The following DDX50 variants were observed in gnomAD, a reference collection of about 807,000 sequenced individuals.
The protein encoded by DDX50 is ATP-dependent RNA helicase DDX50.
DDX50 carries 56 observed loss-of-function variants against 94.8 expected under a neutral mutation model. That is an observed-to-expected ratio of 0.59 (90% confidence interval 0.48 to 0.74). The LOEUF (loss-of-function observed/expected upper bound fraction) is 0.74. DDX50 is among the 30% of genes least tolerant of loss of function. The probability of loss-of-function intolerance (pLI) is 0.00; values close to 1 mark genes in which losing one functional copy is unlikely to be tolerated. For synonymous variants in DDX50, 264 were observed against 295.4 expected, an observed-to-expected ratio of 0.89 and a Z score of 1.09; for missense variants, 713 against 881.2, an observed-to-expected ratio of 0.81 and a Z score of 2.42.
At chr10:68,909,826 C>A (rs1841572803) in intron 2 of DDX50, among the ~76,000 whole-genome samples, 2 of 152,134 alleles carry the variant, frequency 1.3e-5, no homozygotes, top group Non-Finnish European at 2.9e-5. Context: ...CCATGCCTGG[C>A]TAATTTTGTA....
chr10:68,927,154 C>T (rs1372312140), intron 8 of DDX50, among the ~76,000 whole-genome samples: 2 of 152,096 alleles, frequency 1.3e-5, no homozygotes, highest in African/African-American at 2.4e-5. Flanking sequence ...TCAAGCAGTC[C>T]TCCCACCTCG....
At chr10:68,912,426 C>T (rs538156264) in intron 4 of DDX50, among the ~76,000 whole-genome samples, 1 of 152,044 alleles carries the variant, frequency 6.6e-6, no homozygotes, top group Admixed American at 6.6e-5. Context: ...GTAGTCCAGG[C>T]TGGTTTTGAA....
At chr10:68,925,094 GGTTTT>G (rs1302608393) in intron 8 of DDX50, among the ~76,000 whole-genome samples, 5,845 of 89,016 alleles carry the variant, frequency 0.066, 273 homozygotes, top group Middle Eastern at 0.12. Context: ...CCCTGCTCAT[GGTTTT>G]TTTTTTTTTT....
chr10:68,902,445 C>T (rs747796208), intron 1 of DDX50, among the ~76,000 whole-genome samples: 9 of 152,164 alleles, frequency 5.9e-5, no homozygotes, highest in Non-Finnish European at 2.9e-5. Context: ...GCCATTTCAG[C>T]TAACACTTTT....
intron 2 of DDX50, among the ~76,000 whole-genome samples, chr10:68,907,439 T>C (rs1257983388): frequency 1.3e-5 from 2 of 150,812 alleles, no homozygotes; most frequent in East Asian, 3.9e-4. Context: ...AGTCAGCCTC[T>C]CAAGTAGCTG....
At chr10:68,904,395 C>T (rs1300265170) in intron 1 of DDX50, among the ~76,000 whole-genome samples, 2 of 152,024 alleles carry the variant, frequency 1.3e-5, no homozygotes, top group African/African-American at 2.4e-5. Context: ...GGAGCTGGTG[C>T]TTAGATTCTT....
At chr10:68,930,765 C>T (rs1303637079) in intron 8 of DDX50, among the ~76,000 whole-genome samples, 7 of 152,140 alleles carry the variant, frequency 4.6e-5, no homozygotes, top group Admixed American at 2.0e-4. Context: ...GTGATCCTCC[C>T]ACCTCAGCCT....
chr10:68,910,565 G>A (rs1324773501), intron 3 of DDX50, among the ~76,000 whole-genome samples, 183 bp downstream of exon 3: 3 of 152,158 alleles, frequency 2.0e-5, no homozygotes, highest in African/African-American at 7.2e-5. Flanking sequence ...ACCATGCCCG[G>A]CTAAGTTTCA....
intron 12 of DDX50, among the ~76,000 whole-genome samples, chr10:68,938,935 T>A (rs1842490320): frequency 6.6e-6 from 1 of 152,230 alleles, no homozygotes; most frequent in African/African-American, 2.4e-5. Flanking sequence ...TTTGGTAGAA[T>A]ATCTCACTGT....
rs780763678 is a variant in DDX50, at chr10:68,941,038, A to C, written c.1756-22A>C. On this transcript the variant is annotated intron_variant, in intron 12 of 14. Coordinates refer to ENST00000373585, the MANE Select transcript of DDX50 (RefSeq NM_024045.2). ...CTGCTGCTGATTTATTTCCAAACAT[A>C]ATGTGGTTTTTATTCCTTAAGGGGT... 2.5e-6 allele frequency: 4 copies of C among 1,594,214 alleles called. No homozygotes were observed. In the African/African-American group the frequency reaches 5.4e-5, roughly 22 times the overall value.
At chr10:68,936,508 AAAAAAAAATATATATATAT>A (rs1842415451) in intron 11 of DDX50, among the ~76,000 whole-genome samples, 1 of 40,604 alleles carries the variant, frequency 2.5e-5, no homozygotes, top group African/African-American at 1.0e-4. Flanking sequence ...AAAAAAAAAA[AAAAAAAAATATATATATAT>A]ATATATATAT....
chr10:68,936,901 A>G (rs368836573), intron 11 of DDX50, 35 bp from the exon 12 acceptor site: 96 of 1,515,500 alleles, frequency 6.3e-5, no homozygotes, highest in Admixed American at 2.2e-5. Context: ...TTTTTTCCCT[A>G]TGTCTTGACC....
intron 7 of DDX50, among the ~76,000 whole-genome samples, chr10:68,914,584 G>A (rs1004641487): frequency 1.3e-5 from 2 of 151,898 alleles, no homozygotes; most frequent in African/African-American, 4.8e-5. Flanking sequence ...TTAAAGCTGA[G>A]GTGAAAAAAA....
chr10:68,928,958 C>A (rs745883172), intron 8 of DDX50, among the ~76,000 whole-genome samples: 3 of 151,290 alleles, frequency 2.0e-5, no homozygotes, highest in Non-Finnish European at 4.4e-5. Context: ...TTTTTCTTTT[C>A]TTTTTTTTTG....
chr10:68,945,992 A>G (rs1229487562), intron 14 of DDX50, among the ~76,000 whole-genome samples: 1 of 151,862 alleles, frequency 6.6e-6, no homozygotes, highest in Non-Finnish European at 1.5e-5. Context: ...TTTAGAATGT[A>G]TATTTATTAG....
At chr10:68,909,685 A>G (rs913619528) in intron 2 of DDX50, among the ~76,000 whole-genome samples, 1 of 152,042 alleles carries the variant, frequency 6.6e-6, no homozygotes, top group Non-Finnish European at 1.5e-5. Context: ...CTTTTGAGAC[A>G]GAGTTTCGCT....
At chr10:68,944,787 C>T (rs12252033) in intron 14 of DDX50, among the ~76,000 whole-genome samples, 11,643 of 152,074 alleles carry the variant, frequency 0.077, 565 homozygotes, top group South Asian at 0.13. Flanking sequence ...CCTCATGATC[C>T]GCCCGCCTCG....
At chr10:68,911,754 G>C (rs1841631272) in intron 4 of DDX50, 1 of 152,170 alleles carries the variant, frequency 6.6e-6, no homozygotes, top group South Asian at 2.1e-4. Flanking sequence ...CTGCTGAAGT[G>C]AGCACACACA....
chr10:68,910,053 G>A (rs758972017), intron 2 of DDX50, among the ~76,000 whole-genome samples: 2 of 152,190 alleles, frequency 1.3e-5, no homozygotes, highest in Non-Finnish European at 2.9e-5. Flanking sequence ...AAGTGAGCAT[G>A]GTGGCATGCG....
Sources: gnomAD v4.1 joint callset for allele counts (sites outside exome capture counted in the v4.1 genomes callset) on GRCh38, gnomAD v4.1.1 for gene constraint, MANE v1.5 for transcripts, NCBI Gene and HGNC (gene_info 2026-07-23, HGNC 2026-07-21) for gene names.